The following LONRF2 variants were observed in gnomAD, a reference collection of about 807,000 sequenced individuals.
The protein encoded by LONRF2 is LON peptidase N-terminal domain and ring finger 2, also known as LON peptidase N-terminal domain and RING finger protein 2.
A neutral mutation model predicts 66.6 loss-of-function variants in LONRF2; 35 were observed. The observed-to-expected ratio is 0.53, with a 90% CI of 0.40 to 0.70. The LOEUF (loss-of-function observed/expected upper bound fraction) is 0.70, where lower values mean the gene tolerates loss of function less well. Ranked by LOEUF, LONRF2 falls within the 30% of genes least tolerant of loss-of-function variation. LONRF2 has a pLI of 0.00. For synonymous variants in LONRF2, 417 were observed against 418.1 expected, an observed-to-expected ratio of 1.00 and a Z score of 0.03; for missense variants, 902 against 1,002.1, an observed-to-expected ratio of 0.90 and a Z score of 1.35.
intron 4 of LONRF2, among the ~76,000 whole-genome samples, chr2:100,300,262 A>T (rs6727623): frequency 0.69 from 104,232 of 151,018 alleles, 36,187 homozygotes; most frequent in East Asian, 0.94. Flanking sequence ...ATTTTTTTTT[A>T]AATTACACTT....
At chr2:100,289,185 G>A (rs1018472908) in intron 10 of LONRF2, among the ~76,000 whole-genome samples, 16 of 151,980 alleles carry the variant, frequency 1.1e-4, no homozygotes, top group African/African-American at 3.9e-4. Flanking sequence ...CCATGTTTCC[G>A]GAAGTCACAT....
At chr2:100,285,185 A>T (rs566058931) in intron 11 of LONRF2, among the ~76,000 whole-genome samples, 17 of 152,128 alleles carry the variant, frequency 1.1e-4, no homozygotes, top group Non-Finnish European at 2.2e-4. Context: ...TTCTCCAAAA[A>T]TGTGCAGGAT....
chr2:100,311,293 G>C (rs1398502166), intron 1 of LONRF2, among the ~76,000 whole-genome samples: 3 of 151,704 alleles, frequency 2.0e-5, no homozygotes, highest in Non-Finnish European at 4.4e-5. Flanking sequence ...AAGGAGATTT[G>C]GGGAAAAAAA....
Position 100,273,155 on chromosome 2 carries a change from C to A in LONRF2, c.*11143G>T, listed in dbSNP as rs113446079. ...GGACACGGAAACTGGAGTGATGCAG[C>A]CGCTGGCCGAGGAAGGCCGAGGTCG... On this transcript the variant is annotated 3_prime_UTR_variant, in exon 12 of 12. Transcript: ENST00000393437. The A allele has an allele frequency of 6.6e-6, 1 of 152,238 alleles. No homozygotes were observed. Among genetic ancestry groups the A allele is most frequent in the Admixed American group, 6.5e-5 (1 of 15,288 alleles). The allele number at this position is 152,238 out of a possible 1,614,324, so 9.4% of individuals were successfully genotyped here.
chr2:100,290,035 A>C (rs919718297), intron 10 of LONRF2, among the ~76,000 whole-genome samples: 2 of 152,164 alleles, frequency 1.3e-5, no homozygotes, highest in African/African-American at 4.8e-5. Context: ...TGAGCCTGGG[A>C]GGTCAAGGCT....
At chr2:100,301,771 T>C (rs2105726642) in intron 3 of LONRF2, among the ~76,000 whole-genome samples, 1 of 152,364 alleles carries the variant, frequency 6.6e-6, no homozygotes, top group East Asian at 1.9e-4. Flanking sequence ...TCTTTGACCT[T>C]GGACTGACTT....
At chr2:100,290,783 G>A (rs1039613415) in intron 9 of LONRF2, among the ~76,000 whole-genome samples, 12 of 152,224 alleles carry the variant, frequency 7.9e-5, no homozygotes, top group East Asian at 7.7e-4. Flanking sequence ...CTGGTGCCAC[G>A]CACACACTCG....
Position 100,273,324 on chromosome 2 carries a change from G to A in LONRF2, c.*10974C>T, listed in dbSNP as rs1366256223. 6.6e-6 allele frequency: 1 copy of A among 152,226 alleles called. No homozygotes were observed. The highest frequency in any genetic ancestry group is 1.5e-5 in the Non-Finnish European group (1 of 68,058). 9.4% of individuals were successfully genotyped at this position (152,226 alleles called of 1,614,324 possible). On this transcript the variant is annotated 3_prime_UTR_variant, in exon 12 of 12. Transcript: ENST00000393437. The stretch of plus-strand genomic sequence containing the variant: ...GAAAACTGATTTATTGTGAAAAGCC[G>A]TCAGTCTGTGGTGATGTGTTAGTAC...
rs1328035569 is a variant in LONRF2 at position 100,279,962 on chromosome 2, T to C, written c.*4336A>G. ...GTCTGCTGGGCCTCTCCTTCTTTCA[T>C]TTCTGTAGGAATTGTGAGAACAGTC... On this transcript the variant is annotated 3_prime_UTR_variant, in exon 12 of 12. Coordinates refer to ENST00000393437, the MANE Select transcript of LONRF2 (RefSeq NM_198461.4). 1.3e-5 allele frequency: 2 copies of C among 152,362 alleles called. No homozygotes were observed. The highest frequency in any genetic ancestry group is 3.9e-4 in the East Asian group (2 of 5,176). 9.4% of individuals were successfully genotyped at this position (152,362 alleles called of 1,614,324 possible). A position where few individuals can be genotyped will look rare whatever the true frequency, so the allele number is the denominator to read the frequency against.
chr2:100,307,383 A>G (rs1349997197), intron 2 of LONRF2, among the ~76,000 whole-genome samples: 1 of 152,170 alleles, frequency 6.6e-6, no homozygotes, highest in Non-Finnish European at 1.5e-5. Flanking sequence ...ACAAGTTATA[A>G]TTAGCCACGT....
chr2:100,277,166 C>T lies in LONRF2; in HGVS notation c.*7132G>A, dbSNP rs1021618832. On this transcript the variant is annotated 3_prime_UTR_variant, in exon 12 of 12. Transcript: ENST00000393437. ...AAATCCATGGGCACTCCTGTTGGTGCCCTCAGAGACCCCTTCATTATAGAA... is the reference window on the plus strand; with the variant it reads ...AAATCCATGGGCACTCCTGTTGGTGTCCTCAGAGACCCCTTCATTATAGAA... The T allele has an allele frequency of 6.6e-6, 1 of 152,170 alleles. No homozygotes were observed. Among genetic ancestry groups the T allele is most frequent in the Non-Finnish European group, 1.5e-5 (1 of 68,032 alleles). The allele number at this position is 152,170 out of a possible 1,614,324, so 9.4% of individuals were successfully genotyped here.
chr2:100,319,535 T>C (rs932971887), intron 1 of LONRF2, among the ~76,000 whole-genome samples: 2 of 152,182 alleles, frequency 1.3e-5, no homozygotes, highest in South Asian at 4.1e-4. Context: ...AAGGTAACCA[T>C]TGTCCTTACT....
intron 3 of LONRF2, among the ~76,000 whole-genome samples, chr2:100,302,159 C>T (rs1471420704): frequency 6.6e-6 from 1 of 152,170 alleles, no homozygotes; most frequent in Non-Finnish European, 1.5e-5. Flanking sequence ...TACATTAGAA[C>T]ACATCCAGAA....
rs759721719 is a variant in LONRF2, at chr2:100,299,740, G to A, written c.1244C>T (p.Ala415Val). The change falls in exon 5 of 12, where the codon GCC (alanine) becomes GTC (valine). Residue 415 changes from alanine to valine, a missense_variant. By Grantham distance (64) the Ala-to-Val change is moderately conservative (BLOSUM62 0). Transcript: ENST00000393437. ...ACCTTTCTTGGGAATTTTTCCAGGG[G>A]CGTTCAGGTCAGGTGCATCCTCCAC... ...DDVEDAPDLNAPGKIPKKDLS... is the reference protein window; with the variant it reads ...DDVEDAPDLNVPGKIPKKDLS... 1.3e-5 allele frequency: 21 copies of A among 1,613,882 alleles called. No homozygotes were observed. The South Asian group carries it at 2.1e-4, about 16-fold the overall frequency.
chr2:100,305,973 C>T lies in LONRF2; in HGVS notation c.799-2930G>A, dbSNP rs1675282087. Among the ~76,000 whole-genome samples the T allele has an allele frequency of 2.0e-5, 3 of 152,260 alleles. No individual in the cohort carries two copies. In the South Asian group the frequency reaches 6.2e-4, roughly 32 times the overall value. On this transcript the variant is annotated intron_variant, in intron 2 of 11. Coordinates refer to ENST00000393437, the MANE Select transcript of LONRF2 (RefSeq NM_198461.4). ...GTGCCATCTCGGCTCACTGCAACCTCCACCTCCCAGGTTCAAGTGATTCTC... is the reference window on the plus strand; with the variant it reads ...GTGCCATCTCGGCTCACTGCAACCTTCACCTCCCAGGTTCAAGTGATTCTC...
chr2:100,292,004 A>C (rs1203542071), intron 9 of LONRF2, among the ~76,000 whole-genome samples: 2 of 152,214 alleles, frequency 1.3e-5, no homozygotes, highest in African/African-American at 4.8e-5. Flanking sequence ...AACTCATGGC[A>C]GTGTGATTCT....
chr2:100,294,188 CT>C (rs1242712057), intron 9 of LONRF2, 40 bp downstream of exon 9: 1 of 1,593,454 alleles, frequency 6.3e-7, no homozygotes, highest in Admixed American at 1.8e-5. Context: ...AAACGATGCC[CT>C]TCATTAGGAC....
intron 1 of LONRF2, among the ~76,000 whole-genome samples, chr2:100,319,120 TAA>T (rs10658854): frequency 3.6e-5 from 5 of 140,406 alleles, no homozygotes; most frequent in Admixed American, 7.1e-5. Context: ...GACTCCGTCT[TAA>T]AAAAAAAAAA....
rs1003939426 is a variant in LONRF2, at chr2:100,282,354, G to C, written c.*1944C>G. 3 of 152,112 alleles carry C rather than the reference G, an allele frequency of 2.0e-5. No individual in the cohort carries two copies. Among genetic ancestry groups the C allele is most frequent in the African/African-American group, 7.2e-5 (3 of 41,404 alleles). 9.4% of individuals were successfully genotyped at this position (152,112 alleles called of 1,614,324 possible). On this transcript the variant is annotated 3_prime_UTR_variant, in exon 12 of 12. Transcript: ENST00000393437. ...CGTGGAGAAGCTGTGATCACATTGT[G>C]GTTATTTAGATACTTCCAAATGGAA...
Sources: gnomAD v4.1 joint callset for allele counts (sites outside exome capture counted in the v4.1 genomes callset) on GRCh38, gnomAD v4.1.1 for gene constraint, MANE v1.5 for transcripts, NCBI Gene and HGNC (gene_info 2026-07-23, HGNC 2026-07-21) for gene names.